Variants in BRINP3 observed in about 807,000 individuals in gnomAD.
BRINP3 encodes BMP/retinoic acid-inducible neural-specific protein 3.
BRINP3 carries 19 observed loss-of-function variants against 71.0 expected under a neutral mutation model. The observed-to-expected ratio is 0.27, with a 90% CI of 0.19 to 0.39. The LOEUF is 0.39. BRINP3 is among the 10% of genes least tolerant of loss of function. The pLI is 1.00. For synonymous variants in BRINP3, 380 were observed against 337.7 expected (o/e 1.13, Z -1.37); for missense variants, 959 against 940.8 (o/e 1.02, Z -0.25).
chr1:190,412,063 A>G (rs1672702927), intron 2 of BRINP3, among the ~76,000 whole-genome samples: 1 of 152,106 alleles, frequency 6.6e-6, no homozygotes, highest in Admixed American at 6.5e-5. Context: ...TACTTAAGCC[A>G]TGAAATCTGG....
At chr1:190,287,226 AAAAAAC>A (rs1010870603) in intron 2 of BRINP3, among the ~76,000 whole-genome samples, 4 of 152,114 alleles carry the variant, frequency 2.6e-5, no homozygotes, top group African/African-American at 9.7e-5. Context: ...ACTCCATCTC[AAAAAAC>A]AAAAACAAAA....
chr1:190,120,050 GT>G (rs1474027661), intron 7 of BRINP3, among the ~76,000 whole-genome samples: 1 of 152,126 alleles, frequency 6.6e-6, no homozygotes, highest in Non-Finnish European at 1.5e-5. Context: ...GACGAGCATT[GT>G]TTTTACTTTT....
At position 190,321,753 on chromosome 1, in the gene BRINP3, T is replaced by C. The variant is rs553749251; in HGVS notation, c.237-40003A>G. Among the ~76,000 whole-genome samples, 17 of 152,228 alleles carry C rather than the reference T, an allele frequency of 1.1e-4. No homozygotes were observed. In the South Asian group the frequency reaches 3.3e-3, roughly 30 times the overall value. On this transcript the variant is annotated intron_variant, in intron 2 of 7. Transcript: ENST00000367462. Reference sequence around the variant, plus strand: ...ATGTATTTGTTTTTGAAAATTATTATACTGCATATTTTCATCTGAAGTTGA... The same window carrying C: ...ATGTATTTGTTTTTGAAAATTATTACACTGCATATTTTCATCTGAAGTTGA...
At chr1:190,154,497 A>G (rs1311625744) in intron 7 of BRINP3, among the ~76,000 whole-genome samples, 4 of 152,168 alleles carry the variant, frequency 2.6e-5, no homozygotes, top group Non-Finnish European at 4.4e-5. Flanking sequence ...TTGTTTTGAC[A>G]CTTCCACTGA....
At chr1:190,181,358 T>G (rs1000036656) in intron 6 of BRINP3, among the ~76,000 whole-genome samples, 4 of 152,056 alleles carry the variant, frequency 2.6e-5, no homozygotes, top group African/African-American at 9.6e-5. Context: ...TTGACTACCG[T>G]AAATAAAATA....
At chr1:190,347,826 C>A (rs1317588495) in intron 2 of BRINP3, among the ~76,000 whole-genome samples, 1 of 151,996 alleles carries the variant, frequency 6.6e-6, no homozygotes, top group Non-Finnish European at 1.5e-5. Flanking sequence ...TAGAACTTTT[C>A]AATTATCAAT....
intron 2 of BRINP3, among the ~76,000 whole-genome samples, chr1:190,401,245 C>G (rs1671899425): frequency 6.6e-6 from 1 of 151,840 alleles, no homozygotes; most frequent in South Asian, 2.1e-4. Context: ...GTAATCCCAG[C>G]TACTTGGGAG....
At chr1:190,194,813 C>T (rs1654337617) in intron 6 of BRINP3, among the ~76,000 whole-genome samples, 1 of 151,952 alleles carries the variant, frequency 6.6e-6, no homozygotes, top group Admixed American at 6.6e-5. Context: ...AAAGCAGCTG[C>T]TCATCTAGAA....
At chr1:190,442,173 A>G (rs1674867652) in intron 2 of BRINP3, among the ~76,000 whole-genome samples, 1 of 152,180 alleles carries the variant, frequency 6.6e-6, no homozygotes, top group Non-Finnish European at 1.5e-5. Context: ...GTATTTTAAA[A>G]ATTTGCTTTC....
At chr1:190,149,136 G>A (rs1656167274) in intron 7 of BRINP3, among the ~76,000 whole-genome samples, 1 of 152,178 alleles carries the variant, frequency 6.6e-6, no homozygotes, top group Non-Finnish European at 1.5e-5. Context: ...TTAGAACAGT[G>A]TTTGACACAC....
At chr1:190,378,204 A>T (rs1670302560) in intron 2 of BRINP3, among the ~76,000 whole-genome samples, 1 of 152,162 alleles carries the variant, frequency 6.6e-6, no homozygotes, top group African/African-American at 2.4e-5. Flanking sequence ...TAAACATGTG[A>T]TCCAATTCTG....
chr1:190,405,303 T>G (rs1672192568), intron 2 of BRINP3, among the ~76,000 whole-genome samples: 1 of 151,312 alleles, frequency 6.6e-6, no homozygotes, highest in South Asian at 2.1e-4. Flanking sequence ...TGCAAAAAAT[T>G]AGCCAGGCGT....
chr1:190,265,128 A>G, intron 3 of BRINP3, 73 bp from the exon 4 acceptor site: 1 of 1,339,238 alleles, frequency 7.5e-7, no homozygotes, highest in Non-Finnish European at 1.0e-6. Flanking sequence ...TGCAGGTGGA[A>G]AGGTCTAGCT....
chr1:190,231,753 A>G (rs528575124), intron 5 of BRINP3, among the ~76,000 whole-genome samples: 1 of 151,962 alleles, frequency 6.6e-6, no homozygotes, highest in South Asian at 2.1e-4. Context: ...CTGTAATCTT[A>G]TCAGCAAAAC....
chr1:190,157,630 T>C (rs889129522), intron 7 of BRINP3, among the ~76,000 whole-genome samples: 4 of 152,072 alleles, frequency 2.6e-5, no homozygotes, highest in Non-Finnish European at 4.4e-5. Context: ...AACCTACATA[T>C]ATAAAGCATA....
chr1:190,102,952 G>A (rs900076543), intron 7 of BRINP3, among the ~76,000 whole-genome samples: 1 of 151,974 alleles, frequency 6.6e-6, no homozygotes, highest in Non-Finnish European at 1.5e-5. Flanking sequence ...GAGAAATCAT[G>A]TGACATACTA....
intron 2 of BRINP3, among the ~76,000 whole-genome samples, chr1:190,380,197 G>A (rs1051572069): frequency 3.9e-5 from 6 of 151,940 alleles, no homozygotes; most frequent in African/African-American, 9.7e-5. Context: ...ATATGAGGAC[G>A]GAGCAAAATG....
chr1:190,292,753 A>G (rs978771649), intron 2 of BRINP3, among the ~76,000 whole-genome samples: 6 of 151,992 alleles, frequency 3.9e-5, no homozygotes, highest in African/African-American at 1.4e-4. Context: ...TCAGGTTTTC[A>G]TGTAATTCGT....
At chr1:190,170,032 A>C (rs990416092) in intron 6 of BRINP3, among the ~76,000 whole-genome samples, 1 of 152,204 alleles carries the variant, frequency 6.6e-6, no homozygotes, top group East Asian at 1.9e-4. Context: ...TGAAAAAAGT[A>C]AGGCTCCTGC....
Sources: allele counts gnomAD v4.1 joint callset (sites outside exome capture counted in the v4.1 genomes callset), GRCh38; gene constraint gnomAD v4.1.1; transcripts MANE v1.5; gene names NCBI Gene and HGNC (gene_info 2026-07-23, HGNC 2026-07-21).